DCC: variants seen among roughly 807,000 people sequenced by gnomAD.
The protein encoded by DCC is DCC netrin 1 receptor, also known as netrin receptor DCC.
A neutral mutation model predicts 172.5 loss-of-function variants in DCC; 58 were observed. The ratio of observed to expected loss-of-function variants is 0.34; its 90% CI spans 0.27 to 0.42. The LOEUF is 0.42. Ranked by LOEUF, DCC falls within the 10% of genes least tolerant of loss-of-function variation. The pLI is 1.00. For missense variants in DCC, 1,740 were observed against 1,791.0 expected (o/e 0.97, Z 0.51); for synonymous variants, 709 against 644.5 (o/e 1.10, Z -1.52).
At chr18:53,320,991 T>C (rs2144824191) in intron 13 of DCC, among the ~76,000 whole-genome samples, 1 of 152,326 alleles carries the variant, frequency 6.6e-6, no homozygotes, top group East Asian at 1.9e-4. Flanking sequence ...GGCAACTGTT[T>C]GTTCCTTGAC....
chr18:52,922,911 G>A (rs1190126799), intron 3 of DCC, among the ~76,000 whole-genome samples: 1 of 152,110 alleles, frequency 6.6e-6, no homozygotes, highest in Non-Finnish European at 1.5e-5. Context: ...TAGCAACTTT[G>A]GATGAAATGC....
intron 24 of DCC, among the ~76,000 whole-genome samples, chr18:53,461,421 C>T (rs888847593): frequency 2.6e-5 from 4 of 151,966 alleles, no homozygotes; most frequent in African/African-American, 9.7e-5. Context: ...TTAGGTCTAA[C>T]GTTTAAGTCC....
At chr18:53,158,341 T>C (rs2054780653) in intron 8 of DCC, among the ~76,000 whole-genome samples, 2 of 152,248 alleles carry the variant, frequency 1.3e-5, no homozygotes, top group Admixed American at 6.5e-5. Flanking sequence ...TTCTCAACAT[T>C]TTCCCCTTAA....
intron 1 of DCC, among the ~76,000 whole-genome samples, chr18:52,650,199 G>A (rs559805728): frequency 2.6e-4 from 40 of 152,018 alleles, no homozygotes; most frequent in African/African-American, 7.7e-4. Flanking sequence ...GGCAGGTCTC[G>A]AACTCCCGAC....
At chr18:52,674,510 C>T (rs9946410) in intron 1 of DCC, among the ~76,000 whole-genome samples, 15,463 of 152,172 alleles carry the variant, frequency 0.1, 1,534 homozygotes, top group African/African-American at 0.25. Context: ...CCTTCACAGA[C>T]ACACACAGAA....
At chr18:53,488,468 G>A (rs757345495) in intron 26 of DCC, among the ~76,000 whole-genome samples, 13 of 152,034 alleles carry the variant, frequency 8.6e-5, no homozygotes, top group Non-Finnish European at 1.8e-4. Context: ...TTTAAAATTA[G>A]TAATTCACTA....
At chr18:52,463,867 T>A (rs1988704339) in intron 1 of DCC, among the ~76,000 whole-genome samples, 1 of 152,198 alleles carries the variant, frequency 6.6e-6, no homozygotes, top group Non-Finnish European at 1.5e-5. Context: ...TTTTTAAGTG[T>A]TTTAATAGCT....
chr18:52,395,051 C>T (rs1338913968), intron 1 of DCC, among the ~76,000 whole-genome samples: 1 of 151,984 alleles, frequency 6.6e-6, no homozygotes. Context: ...TACCCTGTAA[C>T]ATCTATCAAC....
At chr18:53,502,744 T>C (rs1568172722) in intron 27 of DCC, among the ~76,000 whole-genome samples, 1 of 152,186 alleles carries the variant, frequency 6.6e-6, no homozygotes, top group Admixed American at 6.5e-5. Flanking sequence ...GGCATTGCTC[T>C]AATTTTTAAA....
chr18:53,096,934 G>T (rs1490459587), intron 7 of DCC, among the ~76,000 whole-genome samples: 1 of 151,852 alleles, frequency 6.6e-6, no homozygotes, highest in African/African-American at 2.4e-5. Context: ...ATTCTCAAAG[G>T]GTTTACAAAG....
chr18:53,436,843 A>C (rs1311290435), intron 22 of DCC, among the ~76,000 whole-genome samples: 1 of 152,180 alleles, frequency 6.6e-6, no homozygotes, highest in Non-Finnish European at 1.5e-5. Context: ...AGGAAGTCCA[A>C]GATCAAGGTG....
At chr18:52,773,522 T>TTATCTATC (rs78584152) in intron 2 of DCC, among the ~76,000 whole-genome samples, 5,205 of 151,468 alleles carry the variant, frequency 0.034, 127 homozygotes, top group Admixed American at 0.049. Flanking sequence ...ATCTATCTAT[T>TTATCTATC]TATCTATCTA....
intron 2 of DCC, among the ~76,000 whole-genome samples, chr18:52,768,790 C>T (rs902725580): frequency 3.3e-5 from 5 of 152,078 alleles, no homozygotes; most frequent in Non-Finnish European, 4.4e-5. Context: ...TTCAGTAATA[C>T]GGCTACCCTC....
chr18:52,391,851 C>A (rs955110842), intron 1 of DCC, among the ~76,000 whole-genome samples: 1 of 152,142 alleles, frequency 6.6e-6, no homozygotes, highest in Non-Finnish European at 1.5e-5. Flanking sequence ...GGGCACGCTG[C>A]TTTTCTACCA....
intron 1 of DCC, among the ~76,000 whole-genome samples, chr18:52,354,175 T>C (rs1984256343): frequency 6.6e-6 from 1 of 152,112 alleles, no homozygotes; most frequent in Admixed American, 6.5e-5. Context: ...TGAGGAGTTT[T>C]ACAGGAAGAA....
At chr18:52,939,662 C>A (rs2040431386) in intron 5 of DCC, among the ~76,000 whole-genome samples, 1 of 152,126 alleles carries the variant, frequency 6.6e-6, no homozygotes, top group Non-Finnish European at 1.5e-5. Context: ...TATGGAGATA[C>A]TATTTTTAAT....
At chr18:52,391,026 G>A (rs1448574699) in intron 1 of DCC, among the ~76,000 whole-genome samples, 1 of 151,804 alleles carries the variant, frequency 6.6e-6, no homozygotes, top group African/African-American at 2.4e-5. Flanking sequence ...TTTTTTGTGT[G>A]TGTATGTGTG....
chr18:53,090,732 A>AAAAAAAAAAAAAAAAAAAAAAAAAAT lies in DCC; in HGVS notation c.1261+24568_1261+24569insAAAAAAAAAAAAAAAAAAAAAAATAA, dbSNP rs1568298492. Among the ~76,000 whole-genome samples the AAAAAAAAAAAAAAAAAAAAAAAAAAT allele has an allele frequency of 1.5e-4, 19 of 129,078 alleles. 3 individuals carry two copies. The highest frequency in any genetic ancestry group is 2.0e-4 in the Non-Finnish European group (12 of 59,926). The allele number at this position is 129,078 out of a possible 152,430, so 84.7% of individuals were successfully genotyped here. A position where few individuals can be genotyped will look rare whatever the true frequency, so the allele number is the denominator to read the frequency against. On this transcript the variant is annotated intron_variant, in intron 7 of 28. Transcript: ENST00000442544. ...AAAAAAAAAAAAAAAAAAAAAAAAAAAAGAATGTATCGTGTTTCTTGATGC... is the reference window on the plus strand; with the variant it reads ...AAAAAAAAAAAAAAAAAAAAAAAAAAAAAAAAAAAAAAAAAAAAAAAAAAATAAGAATGTATCGTGTTTCTTGATGC...
chr18:52,791,674 A>G (rs1012323671), intron 2 of DCC, among the ~76,000 whole-genome samples: 1 of 151,926 alleles, frequency 6.6e-6, no homozygotes, highest in African/African-American at 2.4e-5. Context: ...CAAAAAATGT[A>G]TCTCAGGAGA....
Sources: gnomAD v4.1 joint callset for allele counts (sites outside exome capture counted in the v4.1 genomes callset) on GRCh38, gnomAD v4.1.1 for gene constraint, MANE v1.5 for transcripts, NCBI Gene and HGNC (gene_info 2026-07-23, HGNC 2026-07-21) for gene names.